MTHFD1: variants seen among roughly 807,000 people sequenced by gnomAD.
MTHFD1 encodes the protein methylenetetrahydrofolate dehydrogenase, cyclohydrolase and formyltetrahydrofolate synthetase 1, also known as C-1-tetrahydrofolate synthase, cytoplasmic.
A neutral mutation model predicts 110.3 loss-of-function variants in MTHFD1; 44 were observed. The ratio of observed to expected loss-of-function variants is 0.40; its 90% CI spans 0.31 to 0.51. The LOEUF is 0.51. Ranked by LOEUF, MTHFD1 falls within the 20% of genes least tolerant of loss-of-function variation. The pLI is 0.60. For synonymous variants in MTHFD1, 402 were observed against 428.8 expected (o/e 0.94, Z 0.77); for missense variants, 909 against 1,173.1 (o/e 0.77, Z 3.29).
In MTHFD1 at chr14:64,454,771, T is replaced by A. The variant is rs375143649; in HGVS notation, c.2614T>A (p.Ser872Thr). 6.2e-7 allele frequency: 1 copy of A among 1,614,088 alleles called. No individual in the cohort carries two copies. Among genetic ancestry groups the A allele is most frequent in the Middle Eastern group, 1.7e-4 (1 of 6,060 alleles). ...CATGGCTAAAACACACTTGTCTTTG[T>A]CTCACAACCCAGAGCAAAAAGGTGT... ...ICMAKTHLSL[S>T]HNPEQKGVPT... The change falls in exon 26 of 28, where the codon TCT (serine) becomes ACT (threonine). Residue 872 changes from serine to threonine, a missense_variant. Around this residue, in one of 3 missense-constraint regions of MTHFD1, gnomAD observed 482 missense variants for 646.0 expected, o/e 0.75. Coordinates refer to ENST00000652337, the MANE Select transcript of MTHFD1 (RefSeq NM_005956.4).
chr14:64,410,409 G>C (rs1020823319), intron 2 of MTHFD1, among the ~76,000 whole-genome samples: 10 of 7,300 alleles, frequency 1.4e-3, no homozygotes, highest in South Asian at 0.033. Context: ...TGTAAAGATG[G>C]GGGGGGGGGT....
chr14:64,400,527 A>C (rs1458167265), intron 1 of MTHFD1, among the ~76,000 whole-genome samples: 2 of 152,146 alleles, frequency 1.3e-5, no homozygotes, highest in Non-Finnish European at 1.5e-5. Flanking sequence ...CTCTACCAAA[A>C]GTACAAAAAT....
At chr14:64,456,838 C>T (rs1043392349) in intron 26 of MTHFD1, among the ~76,000 whole-genome samples, 3 of 152,168 alleles carry the variant, frequency 2.0e-5, no homozygotes, top group Non-Finnish European at 4.4e-5. Flanking sequence ...TTTTGTGTTA[C>T]AGAAGATGAC....
chr14:64,426,291 A>G, intron 11 of MTHFD1, 99 bp downstream of exon 11: 1 of 1,392,664 alleles, frequency 7.2e-7, no homozygotes, highest in Non-Finnish European at 1.0e-6. Flanking sequence ...GGTGCCTTTA[A>G]TTTGATTTTA....
At chr14:64,400,097 G>C (rs2077884665) in intron 1 of MTHFD1, among the ~76,000 whole-genome samples, 1 of 152,162 alleles carries the variant, frequency 6.6e-6, no homozygotes, top group South Asian at 2.1e-4. Context: ...TGATTTAAAA[G>C]AGAAATACAG....
chr14:64,438,970 C>A, intron 16 of MTHFD1, 126 bp from the exon 17 acceptor site: 1 of 741,966 alleles, frequency 1.3e-6, no homozygotes, highest in Non-Finnish European at 2.5e-6. Flanking sequence ...TCTAGCTTTG[C>A]CATCCATTTT....
At position 64,417,197 on chromosome 14, in the gene MTHFD1, T is replaced by C. The variant is rs2078031568; in HGVS notation, c.479-691T>C. Reference sequence around the variant, plus strand: ...CTAACAGTCATGGGATTGGATCTTATCAGCTGAGGGAAGAAATATGGTCCC... The same window carrying C: ...CTAACAGTCATGGGATTGGATCTTACCAGCTGAGGGAAGAAATATGGTCCC... On this transcript the variant is annotated intron_variant, in intron 6 of 27. Coordinates refer to ENST00000652337, the MANE Select transcript of MTHFD1 (RefSeq NM_005956.4). The surrounding 1 kb of genome is among the most constrained non-coding windows in gnomAD (Gnocchi z 4.4). 6.6e-6 allele frequency among the ~76,000 whole-genome samples: 1 copy of C among 152,206 alleles called. No individual in the cohort carries two copies. The highest frequency in any genetic ancestry group is 2.1e-4 in the South Asian group (1 of 4,830).
intron 16 of MTHFD1, among the ~76,000 whole-genome samples, chr14:64,436,195 C>T (rs912319915): frequency 1.3e-5 from 2 of 151,948 alleles, no homozygotes; most frequent in Admixed American, 6.6e-5. Flanking sequence ...CCCAGGTTCA[C>T]GCCATTCTCC....
At chr14:64,436,297 T>C (rs2078205676) in intron 16 of MTHFD1, among the ~76,000 whole-genome samples, 1 of 152,198 alleles carries the variant, frequency 6.6e-6, no homozygotes, top group African/African-American at 2.4e-5. Flanking sequence ...GGTTTCACCA[T>C]GTTAGCTAGG....
chr14:64,412,671 CA>C, intron 4 of MTHFD1, 146 bp downstream of exon 4: 1 of 627,270 alleles, frequency 1.6e-6, no homozygotes, highest in Non-Finnish European at 2.8e-6. Flanking sequence ...CAGTTTTGCT[CA>C]TGTCACCCAG....
intron 22 of MTHFD1, among the ~76,000 whole-genome samples, chr14:64,446,083 T>C (rs2078287309): frequency 6.6e-6 from 1 of 152,214 alleles, no homozygotes; most frequent in South Asian, 2.1e-4. Flanking sequence ...AGAAGACTCT[T>C]TTATTTTTAA....
At chr14:64,401,225 C>G (rs929514061) in intron 2 of MTHFD1, among the ~76,000 whole-genome samples, 2 of 151,996 alleles carry the variant, frequency 1.3e-5, no homozygotes, top group Admixed American at 1.3e-4. Flanking sequence ...TGTAGTAGTG[C>G]AATCATAGCT....
rs528352547 is a variant in MTHFD1, at chr14:64,411,403, CA to C, written c.186+255del. Among the ~76,000 whole-genome samples the C allele has an allele frequency of 9.9e-4, 151 of 152,286 alleles. 1 individual carries two copies. Among genetic ancestry groups the C allele is most frequent in the Non-Finnish European group, 1.7e-3 (117 of 68,012 alleles). ...ATTGAGGAAAGTGACAAGTCTCGATCATTTTAGGAGATTTATTTGCCAAAAT... is the reference window on the plus strand; with the variant it reads ...ATTGAGGAAAGTGACAAGTCTCGATCTTTTAGGAGATTTATTTGCCAAAAT... On this transcript the variant is annotated intron_variant, in intron 3 of 27. Transcript: ENST00000652337.
At chr14:64,443,345 ATCTTT>A (rs2078263187) in intron 21 of MTHFD1, among the ~76,000 whole-genome samples, 4 of 152,240 alleles carry the variant, frequency 2.6e-5, no homozygotes, top group Non-Finnish European at 4.4e-5. Flanking sequence ...AAAATGCATT[ATCTTT>A]TCCCAGCAAA....
intron 26 of MTHFD1, 117 bp from the exon 27 acceptor site, chr14:64,458,097 C>T (rs2078504258): frequency 2.4e-6 from 2 of 817,026 alleles, no homozygotes; most frequent in Non-Finnish European, 4.4e-6. Flanking sequence ...CACTATGTTG[C>T]CCAGGGTGGT....
chr14:64,454,901 T>G, intron 26 of MTHFD1, 26 bp downstream of exon 26: 1 of 1,612,506 alleles, frequency 6.2e-7, no homozygotes, highest in Non-Finnish European at 8.5e-7. Flanking sequence ...AAGGGAGTAG[T>G]GGGCGCATCT....
chr14:64,399,736 A>T (rs2077882658), intron 1 of MTHFD1, among the ~76,000 whole-genome samples: 1 of 151,574 alleles, frequency 6.6e-6, no homozygotes, highest in East Asian at 1.9e-4. Flanking sequence ...AAGTTCCTGT[A>T]CATATTAAAC....
intron 9 of MTHFD1, 52 bp from the exon 10 acceptor site, chr14:64,425,678 G>A: frequency 1.4e-6 from 2 of 1,450,598 alleles, no homozygotes; most frequent in South Asian, 2.3e-5. Flanking sequence ...AAACTGAGGT[G>A]AGGATTAAAA....
chr14:64,454,441 C>T (rs1194881392), intron 25 of MTHFD1, among the ~76,000 whole-genome samples: 1 of 152,112 alleles, frequency 6.6e-6, no homozygotes, highest in African/African-American at 2.4e-5. Context: ...CATATCTACT[C>T]CAAACTATTA....
Sources: allele counts gnomAD v4.1 joint callset (sites outside exome capture counted in the v4.1 genomes callset), GRCh38; gene constraint gnomAD v4.1.1; regional missense constraint gnomAD v4.1.1; non-coding constraint Gnocchi (gnomAD v3.1); transcripts MANE v1.5; gene names NCBI Gene and HGNC (gene_info 2026-07-23, HGNC 2026-07-21).